The following GABRA1 variants were observed in gnomAD, a reference collection of about 807,000 sequenced individuals.
The protein encoded by GABRA1 is gamma-aminobutyric acid type A receptor subunit alpha1.
A neutral mutation model predicts 48.9 loss-of-function variants in GABRA1; 9 were observed. The observed-to-expected ratio is 0.18, with a 90% CI of 0.11 to 0.32. The LOEUF (loss-of-function observed/expected upper bound fraction) is 0.32, where lower values mean the gene tolerates loss of function less well. Ranked by LOEUF, GABRA1 falls within the 10% of genes least tolerant of loss-of-function variation. GABRA1 has a pLI of 1.00. For missense variants in GABRA1, 285 were observed against 553.8 expected (o/e 0.51, Z 4.87); for synonymous variants, 210 against 198.7 (o/e 1.06, Z -0.48).
At chr5:161,869,496 T>TA (rs1048720480) in intron 4 of GABRA1, among the ~76,000 whole-genome samples, 1 of 152,162 alleles carries the variant, frequency 6.6e-6, no homozygotes, top group Non-Finnish European at 1.5e-5. Flanking sequence ...AACTTTATTT[T>TA]AAAAACCATT....
At chr5:161,865,651 A>G in intron 3 of GABRA1, 70 bp from the exon 4 acceptor site, 3 of 1,188,754 alleles carry the variant, frequency 2.5e-6, no homozygotes, top group African/African-American at 1.5e-5. Context: ...TTTGGGTGTC[A>G]GTATGTGGTG....
chr5:161,850,461 C>A, intron 1 of GABRA1: 2 of 467,454 alleles, frequency 4.3e-6, no homozygotes, highest in South Asian at 5.3e-5. Context: ...TGATAAACAA[C>A]AAGAAGAGAA....
At chr5:161,850,636 G>A in intron 1 of GABRA1, 160 bp from the exon 2 acceptor site, 1 of 648,910 alleles carries the variant, frequency 1.5e-6, no homozygotes. Flanking sequence ...AGTGGAGAAT[G>A]GATGGTCCAG....
In GABRA1 at chr5:161,881,106, A is replaced by G. The variant is rs181481471; in HGVS notation, c.560-1452A>G. Among the ~76,000 whole-genome samples the G allele has an allele frequency of 3.1e-3, 465 of 152,268 alleles. 3 individuals carry two copies. The highest frequency in any genetic ancestry group is 4.4e-3 in the Non-Finnish European group (299 of 68,016). Reference sequence around the variant, plus strand: ...AATTAAAATATTTTTGTGGCCTCCTAAAAGTATTGAGGGCCTCAGGCCCTG... The same window carrying G: ...AATTAAAATATTTTTGTGGCCTCCTGAAAGTATTGAGGGCCTCAGGCCCTG... On this transcript the variant is annotated intron_variant, in intron 6 of 9. Transcript: ENST00000393943.
At chr5:161,891,210 T>G (rs1478607772) in intron 8 of GABRA1, among the ~76,000 whole-genome samples, 160 bp downstream of exon 8, 1 of 152,196 alleles carries the variant, frequency 6.6e-6, no homozygotes, top group East Asian at 1.9e-4. Context: ...ATGGTATATA[T>G]TTTTTAAAAC....
At chr5:161,895,919 C>T in intron 9 of GABRA1, 51 bp downstream of exon 9, 1 of 1,477,760 alleles carries the variant, frequency 6.8e-7, no homozygotes, top group Non-Finnish European at 9.5e-7. Flanking sequence ...TCTCTTTAAA[C>T]CTATGAAATG....
intron 8 of GABRA1, 28 bp from the exon 9 acceptor site, chr5:161,895,638 T>C (rs1043343127): frequency 3.8e-6 from 6 of 1,587,440 alleles, no homozygotes; most frequent in Non-Finnish European, 5.2e-6. Context: ...TGAACTGGCA[T>C]CATGTATGTT....
At chr5:161,882,752 T>G in intron 7 of GABRA1, 51 bp downstream of exon 7, 1 of 1,546,106 alleles carries the variant, frequency 6.5e-7, no homozygotes, top group Non-Finnish European at 8.9e-7. Flanking sequence ...AGAATAATAT[T>G]TTGTGAGAAC....
Position 161,878,118 on chromosome 5 carries a change from G to A in GABRA1, c.559+2476G>A, listed in dbSNP as rs368724442. Reference sequence around the variant, plus strand: ...TTCCTAGCACAAAGGCAAATACACTGTAGGTTCTCAGTAAATATTTATTGA... The same window carrying A: ...TTCCTAGCACAAAGGCAAATACACTATAGGTTCTCAGTAAATATTTATTGA... On this transcript the variant is annotated intron_variant, in intron 6 of 9. Transcript: ENST00000393943. Among the ~76,000 whole-genome samples, 121 of 152,284 alleles carry A rather than the reference G, an allele frequency of 7.9e-4. 1 individual carries two copies. The highest frequency in any genetic ancestry group is 2.8e-3 in the African/African-American group (116 of 41,546).
At chr5:161,894,579 T>A (rs1182327269) in intron 8 of GABRA1, among the ~76,000 whole-genome samples, 1 of 152,186 alleles carries the variant, frequency 6.6e-6, no homozygotes, top group Non-Finnish European at 1.5e-5. Flanking sequence ...GTGGTAGGAT[T>A]GAGACTAGTC....
At position 161,854,212 on chromosome 5, in the gene GABRA1, C is replaced by T; in HGVS notation, c.129C>T (p.Thr43=). 6.2e-7 allele frequency: 1 copy of T among 1,610,192 alleles called. No homozygotes were observed. ...TTAAAGACAATACCACTGTCTTCAC[C>T]AGGATTTTGGACAGACTCCTAGATG... The part of the protein sequence containing the change: ...DELKDNTTVF[T]RILDRLLDGY... The change falls in exon 3 of 10, where the codon ACC becomes ACT. Residue 43 remains threonine, a synonymous_variant. Transcript: ENST00000393943.
intron 7 of GABRA1, among the ~76,000 whole-genome samples, chr5:161,886,798 A>G (rs1754868647): frequency 6.6e-6 from 1 of 152,004 alleles, no homozygotes; most frequent in Admixed American, 6.6e-5. Flanking sequence ...AATAAAAATA[A>G]TACTAATAGT....
In GABRA1 at chr5:161,877,322, TAGTC is replaced by T. The variant is rs1561577592; in HGVS notation, c.559+1683_559+1686del. Among the ~76,000 whole-genome samples the T allele has an allele frequency of 3.9e-5, 6 of 152,264 alleles. No homozygotes were observed. In the East Asian group the frequency reaches 7.7e-4, roughly 20 times the overall value. On this transcript the variant is annotated intron_variant, in intron 6 of 9. Coordinates refer to ENST00000393943, the MANE Select transcript of GABRA1 (RefSeq NM_001127644.2). ...AAATGAACTGCATATTTTTAAAAAT[TAGTC>T]AGGAATGCTTTCAGCAGTGAGAATA...
At chr5:161,858,445 TTCCAGTGATATGTTTC>T (rs1159353098) in intron 3 of GABRA1, among the ~76,000 whole-genome samples, 1 of 151,686 alleles carries the variant, frequency 6.6e-6, no homozygotes, top group Non-Finnish European at 1.5e-5. Flanking sequence ...CTTAATACTC[TTCCAGTGATATGTTTC>T]TCCTCCCTTT....
At chr5:161,866,647 G>A (rs541194282) in intron 4 of GABRA1, among the ~76,000 whole-genome samples, 1 of 152,192 alleles carries the variant, frequency 6.6e-6, no homozygotes, top group East Asian at 1.9e-4. Context: ...CAGAGTAAAA[G>A]CCCTGACAAG....
chr5:161,856,245 T>A (rs1395948363), intron 3 of GABRA1, among the ~76,000 whole-genome samples: 2 of 151,414 alleles, frequency 1.3e-5, no homozygotes, highest in African/African-American at 4.8e-5. Flanking sequence ...ACTGGTAGAT[T>A]TGCTTACAGG....
chr5:161,878,143 A>G (rs1754445445), intron 6 of GABRA1, among the ~76,000 whole-genome samples: 1 of 152,178 alleles, frequency 6.6e-6, no homozygotes, highest in Non-Finnish European at 1.5e-5. Context: ...ATATTTATTG[A>G]ATGGATAAAG....
Position 161,898,604 on chromosome 5 carries a change from G to A in GABRA1, c.*1182G>A, listed in dbSNP as rs1430855877. 6.6e-6 allele frequency: 1 copy of A among 152,234 alleles called. No individual in the cohort carries two copies. Among genetic ancestry groups the A allele is most frequent in the Non-Finnish European group, 1.5e-5 (1 of 67,984 alleles). 9.4% of individuals were successfully genotyped at this position (152,234 alleles called of 1,614,324 possible). A position where few individuals can be genotyped will look rare whatever the true frequency, so the allele number is the denominator to read the frequency against. The stretch of plus-strand genomic sequence containing the variant: ...ACCACATGGAACTTAAAACATATGG[G>A]TGTGAAGTCCACTTATGTAGACAAA... On this transcript the variant is annotated 3_prime_UTR_variant, in exon 10 of 10. Transcript: ENST00000393943.
intron 5 of GABRA1, among the ~76,000 whole-genome samples, chr5:161,873,728 A>C (rs1310632854): frequency 6.6e-6 from 1 of 152,182 alleles, no homozygotes. Flanking sequence ...AAATATGGAA[A>C]GTTACAAAAT....
Sources: gnomAD v4.1 joint callset for allele counts (sites outside exome capture counted in the v4.1 genomes callset) on GRCh38, gnomAD v4.1.1 for gene constraint, MANE v1.5 for transcripts, NCBI Gene and HGNC (gene_info 2026-07-23, HGNC 2026-07-21) for gene names.